PTDSS1: variants seen among roughly 807,000 people sequenced by gnomAD.
PTDSS1 encodes the protein phosphatidylserine synthase 1.
In PTDSS1, 45 loss-of-function variants were observed where a neutral mutation model predicts 70.5. The observed-to-expected ratio is 0.64, with a 90% CI of 0.50 to 0.82. The LOEUF (loss-of-function observed/expected upper bound fraction) is 0.82. PTDSS1 is among the 40% of genes least tolerant of loss of function. The pLI, the probability that PTDSS1 is intolerant of heterozygous loss-of-function variation, is 0.00. For synonymous variants in PTDSS1, 188 were observed against 203.8 expected (o/e 0.92, Z 0.66); for missense variants, 417 against 586.1 (o/e 0.71, Z 2.98).
At chr8:96,264,829 G>A (rs918644332) in intron 1 of PTDSS1, among the ~76,000 whole-genome samples, 2 of 152,100 alleles carry the variant, frequency 1.3e-5, no homozygotes, top group African/African-American at 2.4e-5. Flanking sequence ...AATAATAGAA[G>A]AACCATAATC....
chr8:96,326,670 G>A (rs1199872202), intron 10 of PTDSS1, among the ~76,000 whole-genome samples: 1 of 152,216 alleles, frequency 6.6e-6, no homozygotes, highest in African/African-American at 2.4e-5. Flanking sequence ...TGCTTAGGAA[G>A]GGCTTTGTGC....
chr8:96,293,536 C>G (rs1346251307), intron 4 of PTDSS1, among the ~76,000 whole-genome samples: 1 of 152,256 alleles, frequency 6.6e-6, no homozygotes. Context: ...GCATGCAGCT[C>G]TCTGGCTGCT....
At chr8:96,286,184 G>A (rs1432303307) in intron 3 of PTDSS1, among the ~76,000 whole-genome samples, 2 of 152,168 alleles carry the variant, frequency 1.3e-5, no homozygotes, top group African/African-American at 4.8e-5. Context: ...AAGGTCATTT[G>A]TATCACGGTC....
At chr8:96,281,605 C>T (rs1192758124) in intron 2 of PTDSS1, among the ~76,000 whole-genome samples, 1 of 152,160 alleles carries the variant, frequency 6.6e-6, no homozygotes, top group East Asian at 1.9e-4. Context: ...CATGCCTTTC[C>T]CCCTGTTGCA....
intron 3 of PTDSS1, 95 bp downstream of exon 3, chr8:96,284,248 T>A: frequency 8.7e-7 from 1 of 1,148,490 alleles, no homozygotes; most frequent in Non-Finnish European, 1.3e-6. Context: ...TCTCAATAGT[T>A]AAAACTTTAT....
At chr8:96,287,257 T>C (rs1413198967) in intron 4 of PTDSS1, 111 bp downstream of exon 4, 2 of 1,418,634 alleles carry the variant, frequency 1.4e-6, no homozygotes, top group East Asian at 2.3e-5. Context: ...CCTGTGTAGT[T>C]ACCTAAAAAC....
At chr8:96,273,768 A>G (rs1389983286) in intron 2 of PTDSS1, among the ~76,000 whole-genome samples, 1 of 152,208 alleles carries the variant, frequency 6.6e-6, no homozygotes, top group East Asian at 1.9e-4. Context: ...ATTACTGCTG[A>G]GTTCTTCCTT....
At chr8:96,305,577 C>T (rs1434458113) in intron 7 of PTDSS1, among the ~76,000 whole-genome samples, 1 of 152,212 alleles carries the variant, frequency 6.6e-6, no homozygotes, top group African/African-American at 2.4e-5. Flanking sequence ...TGGACCAACC[C>T]TTCATACCTA....
At chr8:96,309,383 C>CT in intron 8 of PTDSS1, 174 bp from the exon 9 acceptor site, 1 of 518,358 alleles carries the variant, frequency 1.9e-6, no homozygotes, top group Non-Finnish European at 3.5e-6. Context: ...CGCTGAATCT[C>CT]TTACAGGAAT....
At chr8:96,288,089 C>T (rs532051824) in intron 4 of PTDSS1, among the ~76,000 whole-genome samples, 1 of 152,240 alleles carries the variant, frequency 6.6e-6, no homozygotes, top group South Asian at 2.1e-4. Context: ...TATGATGGCT[C>T]ACAGAACTCA....
chr8:96,281,607 C>T (rs1439481613), intron 2 of PTDSS1, among the ~76,000 whole-genome samples: 1 of 152,164 alleles, frequency 6.6e-6, no homozygotes, highest in African/African-American at 2.4e-5. Flanking sequence ...TGCCTTTCCC[C>T]CTGTTGCATC....
intron 3 of PTDSS1, among the ~76,000 whole-genome samples, chr8:96,286,128 C>G (rs1360467669): frequency 6.6e-6 from 1 of 152,106 alleles, no homozygotes; most frequent in Non-Finnish European, 1.5e-5. Flanking sequence ...TGGAGTGGCT[C>G]ACTGGAGATT....
intron 2 of PTDSS1, among the ~76,000 whole-genome samples, chr8:96,279,586 A>C (rs1037025266): frequency 6.6e-6 from 1 of 151,990 alleles, no homozygotes; most frequent in Non-Finnish European, 1.5e-5. Context: ...TGGGAGGCCA[A>C]GGTGGGTGGA....
chr8:96,288,120 G>A (rs573489355), intron 4 of PTDSS1, among the ~76,000 whole-genome samples: 57 of 152,162 alleles, frequency 3.7e-4, no homozygotes, highest in South Asian at 8.3e-4. Flanking sequence ...TAAGTTTGCC[G>A]GCTTATTGTA....
intron 9 of PTDSS1, among the ~76,000 whole-genome samples, chr8:96,311,221 T>TCTG (rs1298177466): frequency 3.9e-5 from 6 of 152,222 alleles, no homozygotes; most frequent in Admixed American, 6.5e-5. Context: ...TCCCATTTAG[T>TCTG]GACTGAAATT....
intron 12 of PTDSS1, 21 bp from the exon 13 acceptor site, chr8:96,333,436 T>A: frequency 6.3e-7 from 1 of 1,587,662 alleles, no homozygotes; most frequent in Non-Finnish European, 8.7e-7. Flanking sequence ...GGTGACGGTG[T>A]GCTCTGATTC....
chr8:96,309,202 T>G (rs1289931672), intron 8 of PTDSS1: 7 of 153,290 alleles, frequency 4.6e-5, no homozygotes, highest in African/African-American at 1.3e-4. Context: ...GGTTTTTTTT[T>G]TTTTTTTTTT....
At chr8:96,310,169 C>CTTT (rs113232621) in intron 9 of PTDSS1, among the ~76,000 whole-genome samples, 13 of 139,722 alleles carry the variant, frequency 9.3e-5, no homozygotes, top group African/African-American at 2.6e-4. Context: ...GGATCTCTCT[C>CTTT]TTTTTTTTTT....
chr8:96,267,766 C>T (rs1200678313), intron 1 of PTDSS1, among the ~76,000 whole-genome samples: 1 of 152,110 alleles, frequency 6.6e-6, no homozygotes, highest in Non-Finnish European at 1.5e-5. Flanking sequence ...TTTCCCACCT[C>T]TATCCCTCCC....
Sources: gnomAD v4.1 joint callset for allele counts (sites outside exome capture counted in the v4.1 genomes callset) on GRCh38, gnomAD v4.1.1 for gene constraint, MANE v1.5 for transcripts, NCBI Gene and HGNC (gene_info 2026-07-23, HGNC 2026-07-21) for gene names.